Variants in EIF2S1 observed in about 807,000 individuals in gnomAD.
EIF2S1 encodes eukaryotic translation initiation factor 2 subunit 1.
EIF2S1 carries 5 observed loss-of-function variants against 33.5 expected under a neutral mutation model. The ratio of observed to expected loss-of-function variants is 0.15; its 90% CI spans 0.08 to 0.31. The LOEUF is 0.31. Among genes scored for constraint, EIF2S1 ranks in the 10% least tolerant of loss-of-function variants. The pLI, the probability that EIF2S1 is intolerant of heterozygous loss-of-function variation, is 1.00. For synonymous variants in EIF2S1, 99 were observed against 127.5 expected (o/e 0.78, Z 1.51); for missense variants, 191 against 384.6 (o/e 0.50, Z 4.21).
At chr14:67,361,872 G>A (rs2085744403) in intron 1 of EIF2S1, among the ~76,000 whole-genome samples, 1 of 152,266 alleles carries the variant, frequency 6.6e-6, no homozygotes, top group African/African-American at 2.4e-5. Flanking sequence ...TCTTAAGGAA[G>A]TATTATAATT....
intron 4 of EIF2S1, among the ~76,000 whole-genome samples, chr14:67,377,174 C>T (rs1174117609): frequency 1.3e-5 from 2 of 152,194 alleles, no homozygotes; most frequent in African/African-American, 2.4e-5. Context: ...CACCATGATA[C>T]ATCATTTTAA....
rs537654165 is a variant in EIF2S1, at chr14:67,369,184, G to T, written c.241+4176G>T. Among the ~76,000 whole-genome samples the T allele has an allele frequency of 5.3e-5, 8 of 152,304 alleles. No homozygotes were observed. In the South Asian group the frequency reaches 1.2e-3, roughly 24 times the overall value. ...GGTTGAAAATAAATGGATATAAAAA[G>T]ATATGCTATGCAGACAATACCTTAA... On this transcript the variant is annotated intron_variant, in intron 2 of 7. Coordinates refer to ENST00000256383, the MANE Select transcript of EIF2S1 (RefSeq NM_004094.5).
intron 2 of EIF2S1, among the ~76,000 whole-genome samples, chr14:67,372,698 C>T (rs1015634231): frequency 6.6e-6 from 1 of 151,732 alleles, no homozygotes; most frequent in Non-Finnish European, 1.5e-5. Context: ...CATAGTGGTG[C>T]GTGCCTGTAG....
chr14:67,374,725 G>A, intron 3 of EIF2S1, 178 bp downstream of exon 3: 1 of 419,996 alleles, frequency 2.4e-6, no homozygotes, highest in Non-Finnish European at 4.2e-6. Flanking sequence ...GACTTCAACT[G>A]CTTTAACTTG....
chr14:67,373,520 A>ATTCT (rs1233911890), intron 2 of EIF2S1, among the ~76,000 whole-genome samples: 9 of 152,216 alleles, frequency 5.9e-5, no homozygotes, highest in African/African-American at 1.7e-4. Flanking sequence ...AGTGTCTAGA[A>ATTCT]AAACACCACA....
chr14:67,364,889 A>G lies in EIF2S1; in HGVS notation c.122A>G (p.Asn41Ser), dbSNP rs1342925324. The change falls in exon 2 of 8, where the codon AAC (asparagine) becomes AGC (serine). Residue 41 changes from asparagine to serine, a missense_variant. Asn to Ser is a conservative substitution (Grantham distance 46). Transcript: ENST00000256383. ...GAYVSLLEYN[N>S]IEGMILLSEL... ...TATGTCAGCTTGCTGGAATACAACAACATTGAAGGCATGATTCTTCTTAGT... is the reference window on the plus strand; with the variant it reads ...TATGTCAGCTTGCTGGAATACAACAGCATTGAAGGCATGATTCTTCTTAGT... The G allele has an allele frequency of 6.2e-7, 1 of 1,614,090 alleles. No individual in the cohort carries two copies. The highest frequency in any genetic ancestry group is 8.5e-7 in the Non-Finnish European group (1 of 1,179,978).
chr14:67,365,691 T>C (rs140292107), intron 2 of EIF2S1, among the ~76,000 whole-genome samples: 163 of 152,334 alleles, frequency 1.1e-3, no homozygotes, highest in African/African-American at 3.7e-3. Context: ...TCAGCCATCT[T>C]ACTATAATTT....
In EIF2S1 at chr14:67,386,152, T is replaced by C. The variant is rs2085922556; in HGVS notation, c.*2712T>C. ...TAATTCAGATGAACACCTATCGATA[T>C]TCAAAAGGCAAAACAAAAAAACTAA... On this transcript the variant is annotated 3_prime_UTR_variant, in exon 8 of 8. Coordinates refer to ENST00000256383, the MANE Select transcript of EIF2S1 (RefSeq NM_004094.5). 6.6e-6 allele frequency: 1 copy of C among 152,594 alleles called. No individual in the cohort carries two copies. The highest frequency in any genetic ancestry group is 1.5e-5 in the Non-Finnish European group (1 of 68,026). 9.5% of individuals were successfully genotyped at this position (152,594 alleles called of 1,614,324 possible).
chr14:67,363,758 A>T (rs909617329), intron 1 of EIF2S1, among the ~76,000 whole-genome samples: 9 of 152,218 alleles, frequency 5.9e-5, no homozygotes. Context: ...CTGAGAAGAT[A>T]TAGGCAGGTG....
At chr14:67,360,732 A>G (rs2085730645) in intron 1 of EIF2S1, 1 of 152,530 alleles carries the variant, frequency 6.6e-6, no homozygotes, top group Non-Finnish European at 1.5e-5. Flanking sequence ...CAATATGCCG[A>G]AAGTGAGAAT....
At chr14:67,374,436 A>G in intron 2 of EIF2S1, 32 bp from the exon 3 acceptor site, 1 of 1,447,456 alleles carries the variant, frequency 6.9e-7, no homozygotes, top group Non-Finnish European at 9.6e-7. Flanking sequence ...GCATCTGGAC[A>G]GAGATGATTT....
chr14:67,382,767 C>A, intron 7 of EIF2S1, 177 bp downstream of exon 7: 1 of 641,140 alleles, frequency 1.6e-6, no homozygotes, highest in Non-Finnish European at 2.7e-6. Flanking sequence ...AGGGAATAAA[C>A]AATATAAATG....
intron 4 of EIF2S1, 128 bp downstream of exon 4, chr14:67,376,718 A>C: frequency 2.2e-6 from 2 of 907,390 alleles, no homozygotes; most frequent in South Asian, 1.7e-5. Context: ...TTGGCCAGTA[A>C]ATGGGCCAAT....
Position 67,384,462 on chromosome 14 carries a change from CTACAG to C in EIF2S1, c.*1025_*1029del, listed in dbSNP as rs1305459043. 1 of 151,778 alleles carries C rather than the reference CTACAG, an allele frequency of 6.6e-6. No individual in the cohort carries two copies. Among genetic ancestry groups the C allele is most frequent in the African/African-American group, 2.4e-5 (1 of 41,302 alleles). The allele number at this position is 151,778 out of a possible 1,614,324, so 9.4% of individuals were successfully genotyped here. ...GGTAACACATTATTTGAAGTTACAG[CTACAG>C]TAGTCAGGTGTAGAAAATCTTGAGT... On this transcript the variant is annotated 3_prime_UTR_variant, in exon 8 of 8. Transcript: ENST00000256383.
chr14:67,379,811 C>T (rs961535171), intron 4 of EIF2S1, among the ~76,000 whole-genome samples: 1 of 150,660 alleles, frequency 6.6e-6, no homozygotes, highest in Non-Finnish European at 1.5e-5. Flanking sequence ...CCCGCCACTA[C>T]GCCCGGCTAA....
At position 67,385,510 on chromosome 14, in the gene EIF2S1, C is replaced by T. The variant is rs2085916900; in HGVS notation, c.*2070C>T. Reference sequence around the variant, plus strand: ...CTTTTCATTAAAAATACAATTTCATCTACTCCCTACTGTACCTTTCACTGA... The same window carrying T: ...CTTTTCATTAAAAATACAATTTCATTTACTCCCTACTGTACCTTTCACTGA... On this transcript the variant is annotated 3_prime_UTR_variant, in exon 8 of 8. Coordinates refer to ENST00000256383, the MANE Select transcript of EIF2S1 (RefSeq NM_004094.5). The T allele has an allele frequency of 6.6e-6, 1 of 151,694 alleles. No homozygotes were observed. Among genetic ancestry groups the T allele is most frequent in the South Asian group, 2.1e-4 (1 of 4,826 alleles). 9.4% of individuals were successfully genotyped at this position (151,694 alleles called of 1,614,324 possible).
intron 2 of EIF2S1, 69 bp downstream of exon 2, chr14:67,365,077 G>T: frequency 7.0e-7 from 1 of 1,437,602 alleles, no homozygotes; most frequent in Admixed American, 2.5e-5. Flanking sequence ...TACATTTTTT[G>T]TAAATTGCAA....
chr14:67,370,954 A>G (rs2085816574), intron 2 of EIF2S1, among the ~76,000 whole-genome samples: 1 of 152,128 alleles, frequency 6.6e-6, no homozygotes, highest in Non-Finnish European at 1.5e-5. Flanking sequence ...GCTTGAGGCC[A>G]GGAGAACAAG....
chr14:67,376,538 A>C lies in EIF2S1; in HGVS notation c.421A>C (p.Lys141Gln). 1.2e-6 allele frequency: 2 copies of C among 1,614,124 alleles called. No individual in the cohort carries two copies. Among genetic ancestry groups the C allele is most frequent in the Non-Finnish European group, 1.7e-6 (2 of 1,179,996 alleles). Reference protein sequence around the residue: ...FQRTAWVFDDKYKRPGYGAYD... With the variant: ...FQRTAWVFDDQYKRPGYGAYD... ...GAGGACTGCCTGGGTCTTTGATGAC[A>C]AGTACAAGAGACCTGGATATGGTGC... Residue 141 changes from lysine to glutamine, a missense_variant, in exon 4 of 8, where the codon AAG (lysine) becomes CAG (glutamine). By Grantham distance (53) the Lys-to-Gln change is moderately conservative (BLOSUM62 1). Coordinates refer to ENST00000256383, the MANE Select transcript of EIF2S1 (RefSeq NM_004094.5).
Sources: allele counts gnomAD v4.1 joint callset (sites outside exome capture counted in the v4.1 genomes callset), GRCh38; gene constraint gnomAD v4.1.1; transcripts MANE v1.5; gene names NCBI Gene and HGNC (gene_info 2026-07-23, HGNC 2026-07-21).